TENT4A: variants seen among roughly 807,000 people sequenced by gnomAD.
The protein encoded by TENT4A is terminal nucleotidyltransferase 4A.
TENT4A carries 7 observed loss-of-function variants against 72.8 expected under a neutral mutation model. The ratio of observed to expected loss-of-function variants is 0.10; its 90% CI spans 0.05 to 0.18. The LOEUF is 0.18. Ranked by LOEUF, TENT4A falls within the 10% of genes least tolerant of loss-of-function variation. TENT4A has a pLI of 1.00. For missense variants in TENT4A, 831 were observed against 1,017.7 expected (o/e 0.82, Z 2.50); for synonymous variants, 456 against 434.3 (o/e 1.05, Z -0.62).
intron 1 of TENT4A, among the ~76,000 whole-genome samples, chr5:6,716,405 GTC>G (rs1740391395): frequency 6.6e-6 from 1 of 152,196 alleles, no homozygotes; most frequent in Non-Finnish European, 1.5e-5. Context: ...CCCACGTCCA[GTC>G]TCTCATCACA....
intron 12 of TENT4A, among the ~76,000 whole-genome samples, chr5:6,754,540 G>C (rs921838543): frequency 6.6e-6 from 1 of 152,188 alleles, no homozygotes; most frequent in African/African-American, 2.4e-5. Context: ...TGTGTGGTTT[G>C]ATCCTGGTAC....
Position 6,725,328 on chromosome 5 carries a change from G to GA in TENT4A, c.716+10639dup, listed in dbSNP as rs991205893. On this transcript the variant is annotated intron_variant, in intron 1 of 12. Coordinates refer to ENST00000230859, the MANE Select transcript of TENT4A (RefSeq NM_006999.6). ...AGAGCGAGACTCCGTCTCAAAAAAA[G>GA]AAAAAAAAAAGAAAACAATTATGCT... 4.0e-3 allele frequency among the ~76,000 whole-genome samples: 590 copies of GA among 148,122 alleles called. 4 individuals carry two copies. The highest frequency in any genetic ancestry group is 0.014 in the African/African-American group (560 of 40,466).
chr5:6,753,101 A>T (rs1742505665), intron 12 of TENT4A, 64 bp downstream of exon 12: 2 of 1,443,816 alleles, frequency 1.4e-6, no homozygotes, highest in Non-Finnish European at 9.4e-7. Context: ...GCGGTGCTAA[A>T]TGTTTTCTCC....
chr5:6,751,724 C>T (rs1172710869), intron 11 of TENT4A, among the ~76,000 whole-genome samples: 1 of 152,080 alleles, frequency 6.6e-6, no homozygotes, highest in Non-Finnish European at 1.5e-5. Flanking sequence ...TTTATAAATA[C>T]TAAATTTTGT....
Position 6,742,606 on chromosome 5 carries a change from C to T in TENT4A, c.1116+9C>T, listed in dbSNP as rs1454915180. The T allele has an allele frequency of 6.4e-7, 1 of 1,552,188 alleles. No individual in the cohort carries two copies. The highest frequency in any genetic ancestry group is 1.7e-5 in the Admixed American group (1 of 59,940). On this transcript the variant is annotated intron_variant, in intron 5 of 12. Transcript: ENST00000230859. ...TCAAGAATTACATGAAGGTACTGTG[C>T]TTGGTGACCCAGCGCGGCGAGAGTG...
chr5:6,748,640 A>G, intron 8 of TENT4A, 50 bp downstream of exon 8: 6 of 1,560,966 alleles, frequency 3.8e-6, no homozygotes, highest in Non-Finnish European at 4.4e-6. Flanking sequence ...GTGGGATGGT[A>G]CTTATCCCTT....
intron 1 of TENT4A, among the ~76,000 whole-genome samples, chr5:6,718,984 G>A (rs544782572): frequency 2.6e-5 from 4 of 152,060 alleles, no homozygotes; most frequent in African/African-American, 7.2e-5. Flanking sequence ...AAAAAAAAAG[G>A]CTTAATGCTC....
At chr5:6,728,254 G>A (rs1258755151) in intron 1 of TENT4A, among the ~76,000 whole-genome samples, 1 of 152,186 alleles carries the variant, frequency 6.6e-6, no homozygotes, top group Non-Finnish European at 1.5e-5. Context: ...TCTGGTCACA[G>A]CAGGAAGATG....
chr5:6,751,928 G>A lies in TENT4A; in HGVS notation c.2019+731G>A, dbSNP rs368999890. On this transcript the variant is annotated intron_variant, in intron 11 of 12. Coordinates refer to ENST00000230859, the MANE Select transcript of TENT4A (RefSeq NM_006999.6). ...GGAAGACATTCTCACAGGATCCACCGTGATTCTGGCGGAGCTTCTGGGATG... is the reference window on the plus strand; with the variant it reads ...GGAAGACATTCTCACAGGATCCACCATGATTCTGGCGGAGCTTCTGGGATG... 2.6e-4 allele frequency among the ~76,000 whole-genome samples: 40 copies of A among 152,308 alleles called. 1 individual carries two copies. The East Asian group carries it at 4.1e-3, about 15-fold the overall frequency.
At chr5:6,740,939 G>A (rs1018629020) in intron 4 of TENT4A, among the ~76,000 whole-genome samples, 2 of 152,196 alleles carry the variant, frequency 1.3e-5, no homozygotes, top group African/African-American at 2.4e-5. Flanking sequence ...ACTGAGATGC[G>A]GAGAGGTGAG....
intron 6 of TENT4A, among the ~76,000 whole-genome samples, chr5:6,744,220 T>C (rs989887769): frequency 2.6e-5 from 4 of 152,256 alleles, no homozygotes; most frequent in East Asian, 1.9e-4. Flanking sequence ...GTACCACATA[T>C]GAGAAAAGGA....
chr5:6,734,894 A>C (rs1054354534), intron 1 of TENT4A, among the ~76,000 whole-genome samples: 14 of 152,178 alleles, frequency 9.2e-5, no homozygotes, highest in Admixed American at 7.9e-4. Flanking sequence ...TGTTACGCTG[A>C]TTTTGTGTGT....
chr5:6,741,974 A>G (rs1379596550), intron 4 of TENT4A, among the ~76,000 whole-genome samples: 2 of 152,210 alleles, frequency 1.3e-5, no homozygotes, highest in East Asian at 3.8e-4. Context: ...TGGTGAGAAT[A>G]TTTCTAAAAT....
At position 6,713,842 on chromosome 5, in the gene TENT4A, C is replaced by CCCG. The variant is rs541247870; in HGVS notation, c.-118_-116dup. On this transcript the variant is annotated 5_prime_UTR_variant, in exon 1 of 13. Transcript: ENST00000230859. ...GAGCAGGAGGCCGGGGCTCGGCCCG[C>CCCG]CCGCCGCCGCCGCCGCCGCCGCCGC... 3,141 of 157,274 alleles carry CCCG rather than the reference C, an allele frequency of 0.02. 46 individuals are homozygous for CCCG. The highest frequency in any genetic ancestry group is 0.03 in the African/African-American group (1,186 of 39,648). 9.7% of individuals were successfully genotyped at this position (157,274 alleles called of 1,614,324 possible).
intron 5 of TENT4A, among the ~76,000 whole-genome samples, chr5:6,742,833 G>C (rs1035565566): frequency 5.9e-5 from 9 of 152,198 alleles, no homozygotes; most frequent in Admixed American, 3.3e-4. Flanking sequence ...TTATTTTAGA[G>C]AGCTTTGTTA....
Position 6,754,972 on chromosome 5 carries a change from C to T in TENT4A, c.*27C>T, listed in dbSNP as rs372015045. The T allele has an allele frequency of 1.3e-4, 207 of 1,546,368 alleles. No homozygotes were observed. The African/African-American group carries it at 2.6e-3, about 20-fold the overall frequency. On this transcript the variant is annotated 3_prime_UTR_variant, in exon 13 of 13. Transcript: ENST00000230859. ...GGCTCCTGGCTGCGTCAGCCTCCCC[C>T]ACCCCTCTGCAGACTGCCCCGCGGC...
intron 1 of TENT4A, among the ~76,000 whole-genome samples, chr5:6,718,735 C>T (rs899758552): frequency 3.3e-5 from 5 of 152,228 alleles, no homozygotes; most frequent in African/African-American, 1.2e-4. Context: ...TGGCCAAGCT[C>T]CACAAGGTGA....
Position 6,738,712 on chromosome 5 carries a change from T to G in TENT4A, c.870T>G (p.Gly290=), listed in dbSNP as rs1741636911. ...DVQIFGSFST[G]LYLPTSDIDL... ...AGATATTTGGCAGCTTTAGTACAGG[T>G]CTTTATCTTCCAACTAGGTGAGTAC... Residue 290 remains glycine (G), a synonymous_variant, in exon 3 of 13, where the codon GGT becomes GGG. Transcript: ENST00000230859. 1 of 1,613,338 alleles carries G rather than the reference T, an allele frequency of 6.2e-7. No homozygotes were observed. Among genetic ancestry groups the G allele is most frequent in the Non-Finnish European group, 8.5e-7 (1 of 1,179,248 alleles).
chr5:6,724,084 T>C (rs1041535354), intron 1 of TENT4A, among the ~76,000 whole-genome samples: 1 of 152,184 alleles, frequency 6.6e-6, no homozygotes, highest in Non-Finnish European at 1.5e-5. Flanking sequence ...CTATAACTCA[T>C]TTTGAAGAGA....
Sources: allele counts gnomAD v4.1 joint callset (sites outside exome capture counted in the v4.1 genomes callset), GRCh38; gene constraint gnomAD v4.1.1; transcripts MANE v1.5; gene names NCBI Gene and HGNC (gene_info 2026-07-23, HGNC 2026-07-21).